ARID5B: variants seen among roughly 807,000 people sequenced by gnomAD.
The protein encoded by ARID5B is AT-rich interactive domain-containing protein 5B.
In ARID5B, 13 loss-of-function variants were observed where a neutral mutation model predicts 97.2. That is an observed-to-expected ratio of 0.13 (90% CI 0.09 to 0.21). The LOEUF (loss-of-function observed/expected upper bound fraction) is 0.21. Among genes scored for constraint, ARID5B ranks in the 10% least tolerant of loss-of-function variants. The pLI, the probability that ARID5B is intolerant of heterozygous loss-of-function variation, is 1.00. For synonymous variants in ARID5B, 556 were observed against 570.3 expected, an observed-to-expected ratio of 0.97 and a Z score of 0.36; for missense variants, 1,210 against 1,465.3, an observed-to-expected ratio of 0.83 and a Z score of 2.84.
intron 3 of ARID5B, among the ~76,000 whole-genome samples, chr10:61,959,604 A>G (rs1838441703): frequency 6.6e-6 from 1 of 152,128 alleles, no homozygotes; most frequent in African/African-American, 2.4e-5. Context: ...TTTATATGTA[A>G]ACACACATTT....
intron 3 of ARID5B, among the ~76,000 whole-genome samples, chr10:61,978,027 A>T (rs1027198365): frequency 6.6e-6 from 1 of 152,146 alleles, no homozygotes; most frequent in Non-Finnish European, 1.5e-5. Flanking sequence ...ATCTTGAATT[A>T]ATTTTTGTAT....
rs151336902 is a variant in ARID5B at position 62,095,622 on chromosome 10, G to T, written c.*2592G>T. 16 of 233,470 alleles carry T rather than the reference G, an allele frequency of 6.9e-5. No homozygotes were observed. Among genetic ancestry groups the T allele is most frequent in the African/African-American group, 3.5e-4 (16 of 45,424 alleles). 14.5% of individuals were successfully genotyped at this position (233,470 alleles called of 1,614,324 possible). A position where few individuals can be genotyped will look rare whatever the true frequency, so the allele number is the denominator to read the frequency against. On this transcript the variant is annotated 3_prime_UTR_variant, in exon 10 of 10. Coordinates refer to ENST00000279873, the MANE Select transcript of ARID5B (RefSeq NM_032199.3). ...ATCAGGACAAATAAAGAGAAATGGG[G>T]GTACGCATTCCCAACAGAAGCAGTG...
intron 3 of ARID5B, among the ~76,000 whole-genome samples, chr10:61,990,809 T>G (rs147965122): frequency 6.6e-6 from 1 of 152,312 alleles, no homozygotes; most frequent in East Asian, 1.9e-4. Context: ...TCAGTGGCAT[T>G]AAGTACATTC....
intron 2 of ARID5B, among the ~76,000 whole-genome samples, chr10:61,937,880 G>A (rs1365882426): frequency 1.3e-5 from 2 of 152,154 alleles, no homozygotes; most frequent in Non-Finnish European, 2.9e-5. Context: ...TGTGGTGGGA[G>A]GGGGGTGTTG....
chr10:61,921,389 T>C (rs985691808), intron 2 of ARID5B, among the ~76,000 whole-genome samples: 4 of 152,210 alleles, frequency 2.6e-5, no homozygotes, highest in Non-Finnish European at 5.9e-5. Flanking sequence ...CCCACTCACT[T>C]GCCTGTTGAC....
At chr10:61,979,590 C>T (rs561551945) in intron 3 of ARID5B, among the ~76,000 whole-genome samples, 3 of 152,270 alleles carry the variant, frequency 2.0e-5, no homozygotes, top group East Asian at 3.9e-4. Context: ...TTTTGCAGAA[C>T]ACCACTGCCA....
chr10:61,940,112 T>C lies in ARID5B; in HGVS notation c.277-71T>C. 3 of 1,423,180 alleles carry C rather than the reference T, an allele frequency of 2.1e-6. No individual in the cohort carries two copies. The South Asian group carries it at 3.5e-5, about 17-fold the overall frequency. The allele number at this position is 1,423,180 out of a possible 1,614,324, so 88.2% of individuals were successfully genotyped here. On this transcript the variant is annotated intron_variant, in intron 2 of 9. Coordinates refer to ENST00000279873, the MANE Select transcript of ARID5B (RefSeq NM_032199.3). ...CTCACATGGCATTTCAGATGGGCCT[T>C]GTGGAGAGTGGATCATTTCCCTCAA... is the stretch of plus-strand genomic sequence containing the variant.
chr10:61,996,819 T>C (rs555387650), intron 3 of ARID5B, among the ~76,000 whole-genome samples: 2 of 152,016 alleles, frequency 1.3e-5, no homozygotes, highest in Non-Finnish European at 2.9e-5. Context: ...GAAGAGATTT[T>C]GCTTCTTTGT....
chr10:62,003,441 A>G (rs1339406527), intron 4 of ARID5B, among the ~76,000 whole-genome samples: 1 of 152,172 alleles, frequency 6.6e-6, no homozygotes, highest in Non-Finnish European at 1.5e-5. Flanking sequence ...CAGGTTAATA[A>G]CTACTCATTT....
At chr10:61,998,437 G>A (rs369861266) in intron 3 of ARID5B, among the ~76,000 whole-genome samples, 11 of 152,308 alleles carry the variant, frequency 7.2e-5, no homozygotes, top group South Asian at 4.1e-4. Context: ...GGGTGGTTGC[G>A]GAGTGATGGC....
At chr10:61,930,787 G>A (rs1844196659) in intron 2 of ARID5B, among the ~76,000 whole-genome samples, 1 of 150,118 alleles carries the variant, frequency 6.7e-6, no homozygotes, top group South Asian at 2.1e-4. Context: ...CTCTTCTCCA[G>A]TAGTGCACCC....
At chr10:62,070,171 A>C (rs10995023) in intron 8 of ARID5B, among the ~76,000 whole-genome samples, 1 of 152,020 alleles carries the variant, frequency 6.6e-6, no homozygotes, top group Non-Finnish European at 1.5e-5. Flanking sequence ...AGCACTTCTC[A>C]TAATATTAGC....
intron 4 of ARID5B, among the ~76,000 whole-genome samples, chr10:62,008,260 C>G (rs978092700): frequency 1.9e-4 from 29 of 152,170 alleles, no homozygotes; most frequent in African/African-American, 5.6e-4. Context: ...TCATTGCTAT[C>G]CCCTGTTTCA....
intron 4 of ARID5B, among the ~76,000 whole-genome samples, chr10:62,022,659 C>A (rs892609092): frequency 9.9e-5 from 15 of 152,178 alleles, no homozygotes; most frequent in Non-Finnish European, 1.9e-4. Context: ...TTTTCTACAA[C>A]AATCCCTCAT....
At chr10:61,937,424 G>C (rs1287311035) in intron 2 of ARID5B, among the ~76,000 whole-genome samples, 1 of 152,124 alleles carries the variant, frequency 6.6e-6, no homozygotes, top group Non-Finnish European at 1.5e-5. Context: ...TAAATGAGCT[G>C]TTTTTGGACA....
chr10:62,034,088 G>T lies in ARID5B; in HGVS notation c.734-16800G>T, dbSNP rs370866490. The stretch of plus-strand genomic sequence containing the variant: ...AGCGGATGGTTTTGCATGAGGCTAT[G>T]TTTAATTTCGGGATGTCGTCCTTTT... On this transcript the variant is annotated intron_variant, in intron 4 of 9. Coordinates refer to ENST00000279873, the MANE Select transcript of ARID5B (RefSeq NM_032199.3). 1.6e-4 allele frequency among the ~76,000 whole-genome samples: 24 copies of T among 152,332 alleles called. No individual in the cohort carries two copies. In the South Asian group the frequency reaches 5.0e-3, roughly 32 times the overall value.
At chr10:61,926,793 A>G (rs997069148) in intron 2 of ARID5B, among the ~76,000 whole-genome samples, 1 of 150,962 alleles carries the variant, frequency 6.6e-6, no homozygotes, top group Admixed American at 6.6e-5. Flanking sequence ...GTTTTTTTGT[A>G]TTTTGTATTT....
chr10:62,032,676 C>T (rs556374065), intron 4 of ARID5B, among the ~76,000 whole-genome samples: 2 of 152,220 alleles, frequency 1.3e-5, no homozygotes, highest in South Asian at 4.1e-4. Context: ...GATCGTGCCA[C>T]TGCACTCCAG....
At chr10:61,942,002 TTTTG>T (rs991390120) in intron 3 of ARID5B, among the ~76,000 whole-genome samples, 5 of 152,316 alleles carry the variant, frequency 3.3e-5, no homozygotes, top group Middle Eastern at 3.4e-3. Context: ...AAAACCTTTC[TTTTG>T]TTTGTTTAAT....
Sources: allele counts gnomAD v4.1 joint callset (sites outside exome capture counted in the v4.1 genomes callset), GRCh38; gene constraint gnomAD v4.1.1; transcripts MANE v1.5; gene names NCBI Gene and HGNC (gene_info 2026-07-23, HGNC 2026-07-21).